DCC: variants seen among roughly 807,000 people sequenced by gnomAD.
The protein encoded by DCC is DCC netrin 1 receptor, also known as netrin receptor DCC.
A neutral mutation model predicts 172.5 loss-of-function variants in DCC; 58 were observed. The observed-to-expected ratio is 0.34, with a 90% CI of 0.27 to 0.42. The LOEUF (loss-of-function observed/expected upper bound fraction) is 0.42, where lower values mean the gene tolerates loss of function less well. DCC is among the 10% of genes least tolerant of loss of function. The pLI is 1.00. For synonymous variants in DCC, 709 were observed against 644.5 expected, an observed-to-expected ratio of 1.10 and a Z score of -1.52; for missense variants, 1,740 against 1,791.0, an observed-to-expected ratio of 0.97 and a Z score of 0.51.
At chr18:52,705,325 A>G (rs1443679001) in intron 1 of DCC, among the ~76,000 whole-genome samples, 1 of 152,196 alleles carries the variant, frequency 6.6e-6, no homozygotes, top group Non-Finnish European at 1.5e-5. Context: ...AAAATGGAGA[A>G]AGGAGGCTGG....
chr18:53,310,903 T>G (rs1485707686), intron 13 of DCC, among the ~76,000 whole-genome samples: 1 of 151,826 alleles, frequency 6.6e-6, no homozygotes. Context: ...TAATCAACTT[T>G]CAACAACTGA....
At chr18:52,652,737 T>TGTGG (rs2035164395) in intron 1 of DCC, among the ~76,000 whole-genome samples, 1 of 151,712 alleles carries the variant, frequency 6.6e-6, no homozygotes, top group Non-Finnish European at 1.5e-5. Context: ...TGTGTGTGTG[T>TGTGG]GTGGGTGGAG....
chr18:52,846,403 G>A lies in DCC; in HGVS notation c.413-59641G>A, dbSNP rs952110712. Among the ~76,000 whole-genome samples, 7 of 152,138 alleles carry A rather than the reference G, an allele frequency of 4.6e-5. No individual in the cohort carries two copies. In the East Asian group the frequency reaches 5.8e-4, roughly 13 times the overall value. On this transcript the variant is annotated intron_variant, in intron 2 of 28. Coordinates refer to ENST00000442544, the MANE Select transcript of DCC (RefSeq NM_005215.4). ...AAAAATACAGAAATTAGCCAGGCAC[G>A]GTGGTGCCAAAATGTATTGTCAGCT...
At chr18:52,769,335 G>C (rs1317115187) in intron 2 of DCC, among the ~76,000 whole-genome samples, 1 of 152,114 alleles carries the variant, frequency 6.6e-6, no homozygotes, top group Admixed American at 6.5e-5. Flanking sequence ...ATATGATATA[G>C]AATATCTTTT....
chr18:52,810,886 A>C (rs1343318819), intron 2 of DCC, among the ~76,000 whole-genome samples: 2 of 152,164 alleles, frequency 1.3e-5, no homozygotes, highest in Non-Finnish European at 2.9e-5. Flanking sequence ...GGCCCACCCC[A>C]GTCTGCCTAG....
intron 5 of DCC, among the ~76,000 whole-genome samples, chr18:53,056,719 A>G (rs1398219421): frequency 6.6e-6 from 1 of 152,096 alleles, no homozygotes; most frequent in Non-Finnish European, 1.5e-5. Flanking sequence ...GCTCCAGGGA[A>G]ACTAGCTGGC....
intron 21 of DCC, among the ~76,000 whole-genome samples, chr18:53,422,513 G>A (rs1052575840): frequency 2.0e-5 from 3 of 152,142 alleles, no homozygotes; most frequent in Non-Finnish European, 4.4e-5. Flanking sequence ...CTGTCATCAA[G>A]AAAGTTATAC....
chr18:52,599,285 C>T (rs565634968), intron 1 of DCC, among the ~76,000 whole-genome samples: 1 of 152,062 alleles, frequency 6.6e-6, no homozygotes, highest in Admixed American at 6.6e-5. Flanking sequence ...CAGTGCAGTT[C>T]CATCTAAAAA....
At chr18:52,490,766 G>T (rs2030460376) in intron 1 of DCC, among the ~76,000 whole-genome samples, 1 of 151,422 alleles carries the variant, frequency 6.6e-6, no homozygotes, top group Non-Finnish European at 1.5e-5. Context: ...TATTTGTTTT[G>T]GGGTATTAGG....
chr18:52,888,058 C>T (rs1482918440), intron 2 of DCC, among the ~76,000 whole-genome samples: 2 of 152,172 alleles, frequency 1.3e-5, no homozygotes, highest in Non-Finnish European at 2.9e-5. Context: ...CATTTTATAT[C>T]ACAAAGAATT....
At chr18:53,231,331 A>T (rs1239381751) in intron 12 of DCC, among the ~76,000 whole-genome samples, 1 of 152,088 alleles carries the variant, frequency 6.6e-6, no homozygotes, top group Non-Finnish European at 1.5e-5. Flanking sequence ...GGCTCTTTAG[A>T]TGAAAAGTCA....
chr18:52,603,690 TAAAGAAA>T (rs1202978218), intron 1 of DCC, among the ~76,000 whole-genome samples: 8 of 150,002 alleles, frequency 5.3e-5, no homozygotes, highest in African/African-American at 2.0e-4. Context: ...TACAGTTAAA[TAAAGAAA>T]AAAGGAAAAA....
At chr18:53,069,624 A>C (rs77467535) in intron 7 of DCC, among the ~76,000 whole-genome samples, 81 of 151,418 alleles carry the variant, frequency 5.3e-4, no homozygotes, top group South Asian at 1.5e-3. Context: ...CAAAAACAAA[A>C]AAAAAAAAAA....
At chr18:52,776,451 T>C (rs1422965805) in intron 2 of DCC, among the ~76,000 whole-genome samples, 1 of 152,110 alleles carries the variant, frequency 6.6e-6, no homozygotes, top group Non-Finnish European at 1.5e-5. Flanking sequence ...GTTCTATTTT[T>C]AAAAAAGCTG....
chr18:52,455,269 A>G (rs1290630325), intron 1 of DCC, among the ~76,000 whole-genome samples: 1 of 152,162 alleles, frequency 6.6e-6, no homozygotes, highest in African/African-American at 2.4e-5. Context: ...TTCAAAAAGA[A>G]TTTATTTTCT....
chr18:53,361,357 T>G (rs2057944760), intron 15 of DCC, among the ~76,000 whole-genome samples: 1 of 152,076 alleles, frequency 6.6e-6, no homozygotes. Context: ...TCCCCCCCAA[T>G]CTCCTAAACA....
intron 12 of DCC, among the ~76,000 whole-genome samples, chr18:53,216,350 G>A (rs1848511535): frequency 2.0e-5 from 3 of 152,318 alleles, no homozygotes; most frequent in South Asian, 2.1e-4. Flanking sequence ...TACTTCTCAT[G>A]TGAGGAAATT....
chr18:53,507,607 C>T (rs1394262957), intron 27 of DCC, among the ~76,000 whole-genome samples: 1 of 152,080 alleles, frequency 6.6e-6, no homozygotes, highest in Non-Finnish European at 1.5e-5. Flanking sequence ...GAGGAGAATG[C>T]CTTTATCTTC....
At chr18:53,056,816 G>A (rs895889067) in intron 5 of DCC, among the ~76,000 whole-genome samples, 2 of 151,900 alleles carry the variant, frequency 1.3e-5, no homozygotes, top group African/African-American at 2.4e-5. Flanking sequence ...CATCAATCTG[G>A]TTTTTTACTC....
Sources: allele counts gnomAD v4.1 joint callset (sites outside exome capture counted in the v4.1 genomes callset), GRCh38; gene constraint gnomAD v4.1.1; transcripts MANE v1.5; gene names NCBI Gene and HGNC (gene_info 2026-07-23, HGNC 2026-07-21).